Variants in PDZD2 observed in about 807,000 individuals in gnomAD.
PDZD2 encodes the protein PDZ domain containing 2.
Under a neutral mutation model 220.7 loss-of-function variants are expected in PDZD2, and 90 were observed. The ratio of observed to expected loss-of-function variants is 0.41; its 90% confidence interval spans 0.34 to 0.49. The LOEUF (loss-of-function observed/expected upper bound fraction) is 0.49, where lower values mean the gene tolerates loss of function less well. Among genes scored for constraint, PDZD2 ranks in the 20% least tolerant of loss-of-function variants. PDZD2 has a pLI of 0.28. For synonymous variants in PDZD2, 1,375 were observed against 1,450.5 expected (o/e 0.95, Z 1.18); for missense variants, 3,174 against 3,608.5 (o/e 0.88, Z 3.08).
chr5:31,702,531 T>C (rs1747650306), intron 1 of PDZD2, among the ~76,000 whole-genome samples: 1 of 152,202 alleles, frequency 6.6e-6, no homozygotes, highest in Admixed American at 6.5e-5. Context: ...CAGGTTCCAC[T>C]TTGCCCACTC....
At chr5:31,717,386 T>A (rs1182387010) in intron 1 of PDZD2, among the ~76,000 whole-genome samples, 1 of 152,162 alleles carries the variant, frequency 6.6e-6, no homozygotes, top group African/African-American at 2.4e-5. Flanking sequence ...TGCATACATA[T>A]ATTTATTATA....
intron 1 of PDZD2, among the ~76,000 whole-genome samples, chr5:31,772,423 A>T (rs1752390283): frequency 6.6e-6 from 1 of 152,246 alleles, no homozygotes; most frequent in East Asian, 1.9e-4. Context: ...CTGCATCAGG[A>T]ATAAGAACCC....
At chr5:31,740,823 G>T (rs1389527064) in intron 1 of PDZD2, among the ~76,000 whole-genome samples, 1 of 152,190 alleles carries the variant, frequency 6.6e-6, no homozygotes, top group African/African-American at 2.4e-5. Flanking sequence ...TCTTAAAAAT[G>T]AGTTATCTAT....
Position 32,006,778 on chromosome 5 carries a change from C to T in PDZD2, c.1255-3552C>T, listed in dbSNP as rs193056284. ...AATCTTGGCTCACTGCGACCTCCGC[C>T]TCCTAGGTTCAAGCTATTCTTCTGC... is the stretch of plus-strand genomic sequence containing the variant. On this transcript the variant is annotated intron_variant, in intron 5 of 24. Transcript: ENST00000438447. Among the ~76,000 whole-genome samples the T allele has an allele frequency of 4.6e-5, 7 of 150,804 alleles. 1 individual carries two copies. Among genetic ancestry groups the T allele is most frequent in the Admixed American group, 4.6e-4 (7 of 15,114 alleles).
intron 2 of PDZD2, among the ~76,000 whole-genome samples, chr5:31,949,134 G>C (rs1746948414): frequency 6.7e-6 from 1 of 149,182 alleles, no homozygotes; most frequent in African/African-American, 2.5e-5. Context: ...TAGTGTTCCT[G>C]GCTGGCTTCT....
At chr5:31,854,890 T>A (rs1282172437) in intron 2 of PDZD2, 52 of 783,784 alleles carry the variant, frequency 6.6e-5, no homozygotes, top group Non-Finnish European at 7.6e-5. Context: ...TTTCCTAACC[T>A]CCTCCACCGC....
chr5:31,698,749 G>A lies in PDZD2; in HGVS notation c.-361+59312G>A, dbSNP rs917112350. Among the ~76,000 whole-genome samples, 7 of 152,114 alleles carry A rather than the reference G, an allele frequency of 4.6e-5. No homozygotes were observed. In the East Asian group the frequency reaches 1.2e-3, roughly 25 times the overall value. ...TTTTCCTTATATTATAAATGAGGACGCCAAGGCCCAGGAATTAAGTAGGTG... is the reference window on the plus strand; with the variant it reads ...TTTTCCTTATATTATAAATGAGGACACCAAGGCCCAGGAATTAAGTAGGTG... On this transcript the variant is annotated intron_variant, in intron 1 of 24. Transcript: ENST00000438447.
intron 2 of PDZD2, among the ~76,000 whole-genome samples, chr5:31,955,213 C>T (rs17510111): frequency 0.18 from 27,021 of 152,008 alleles, 2,521 homozygotes; most frequent in South Asian, 0.27. Flanking sequence ...GGATGATTCA[C>T]ATGTGACCCT....
At chr5:31,701,870 T>A (rs185500256) in intron 1 of PDZD2, among the ~76,000 whole-genome samples, 2 of 152,238 alleles carry the variant, frequency 1.3e-5, no homozygotes, top group African/African-American at 4.8e-5. Flanking sequence ...AATAGAGCTT[T>A]CTGTTTCCTT....
At chr5:32,014,236 T>C (rs978734935) in intron 6 of PDZD2, among the ~76,000 whole-genome samples, 6 of 152,226 alleles carry the variant, frequency 3.9e-5, no homozygotes, top group Non-Finnish European at 5.9e-5. Context: ...GGACTGTTTT[T>C]GCACCTGTAT....
At chr5:31,824,798 G>C (rs2150260205) in intron 2 of PDZD2, among the ~76,000 whole-genome samples, 1 of 152,230 alleles carries the variant, frequency 6.6e-6, no homozygotes, top group South Asian at 2.1e-4. Flanking sequence ...ATTATGGAAA[G>C]ATACACAAAC....
At chr5:32,024,698 GA>G (rs5867124) in intron 6 of PDZD2, among the ~76,000 whole-genome samples, 79 of 141,366 alleles carry the variant, frequency 5.6e-4, no homozygotes, top group South Asian at 1.6e-3. Context: ...AAAAAAGAAA[GA>G]AAAAAAAGAA....
intron 2 of PDZD2, among the ~76,000 whole-genome samples, chr5:31,968,175 T>C (rs1748929765): frequency 6.6e-6 from 1 of 152,122 alleles, no homozygotes; most frequent in South Asian, 2.1e-4. Flanking sequence ...CTGGCCAACA[T>C]GGTGAAACCC....
At chr5:31,699,760 C>G (rs1747534680) in intron 1 of PDZD2, among the ~76,000 whole-genome samples, 1 of 149,964 alleles carries the variant, frequency 6.7e-6, no homozygotes, top group African/African-American at 2.5e-5. Flanking sequence ...TACTACCATG[C>G]CTGGCTGTTT....
chr5:31,908,082 C>CAA lies in PDZD2; in HGVS notation c.477-75048_477-75047dup, dbSNP rs55741622. Reference sequence around the variant, plus strand: ...TGGGTGACAGAGCCAGGCTCCGTCTCAAAAAAAAAAAAAAAAAAAAAAAAA... The same window carrying CAA: ...TGGGTGACAGAGCCAGGCTCCGTCTCAAAAAAAAAAAAAAAAAAAAAAAAAAA... On this transcript the variant is annotated intron_variant, in intron 2 of 24. Transcript: ENST00000438447. Among the ~76,000 whole-genome samples, 679 of 76,906 alleles carry CAA rather than the reference C, an allele frequency of 8.8e-3. 46 individuals are homozygous for CAA. Among genetic ancestry groups the CAA allele is most frequent in the African/African-American group, 0.034 (633 of 18,394 alleles). The allele number at this position is 76,906 out of a possible 152,430, so 50.5% of individuals were successfully genotyped here.
At chr5:32,044,515 G>A (rs1449727727) in intron 7 of PDZD2, among the ~76,000 whole-genome samples, 2 of 152,098 alleles carry the variant, frequency 1.3e-5, no homozygotes, top group Admixed American at 6.6e-5. Context: ...TGGAAGCAGG[G>A]GACAGCGGTC....
intron 2 of PDZD2, among the ~76,000 whole-genome samples, chr5:31,929,193 T>A (rs1252818473): frequency 6.6e-6 from 1 of 152,132 alleles, no homozygotes; most frequent in African/African-American, 2.4e-5. Context: ...AGACTCAGCG[T>A]CTGCTGTTGA....
At chr5:31,729,890 C>T (rs577931903) in intron 1 of PDZD2, among the ~76,000 whole-genome samples, 50 of 152,220 alleles carry the variant, frequency 3.3e-4, no homozygotes, top group African/African-American at 1.1e-3. Context: ...GGCAGTGGTG[C>T]GATCTCGGCT....
At chr5:31,923,979 ACACT>A (rs1744519974) in intron 2 of PDZD2, among the ~76,000 whole-genome samples, 1 of 152,120 alleles carries the variant, frequency 6.6e-6, no homozygotes, top group African/African-American at 2.4e-5. Context: ...AAGATGCACC[ACACT>A]CAGGGGAGTC....
Sources: allele counts gnomAD v4.1 joint callset (sites outside exome capture counted in the v4.1 genomes callset), GRCh38; gene constraint gnomAD v4.1.1; transcripts MANE v1.5; gene names NCBI Gene and HGNC (gene_info 2026-07-23, HGNC 2026-07-21).